The following MORC2 variants were observed in gnomAD, a reference collection of about 807,000 sequenced individuals.
MORC2 encodes the protein ATPase MORC2.
A neutral mutation model predicts 136.0 loss-of-function variants in MORC2; 30 were observed. The observed-to-expected ratio is 0.22, with a 90% CI of 0.17 to 0.30. The LOEUF (loss-of-function observed/expected upper bound fraction) is 0.30, where lower values mean the gene tolerates loss of function less well. MORC2 is among the 10% of genes least tolerant of loss of function. MORC2 has a pLI of 1.00. For synonymous variants in MORC2, 439 were observed against 487.0 expected (o/e 0.90, Z 1.30); for missense variants, 922 against 1,333.1 (o/e 0.69, Z 4.80).
Position 30,926,290 on chromosome 22 carries a change from T to G in MORC2, c.*513A>C, listed in dbSNP as rs1398533544. The G allele has an allele frequency of 6.6e-6, 1 of 152,438 alleles. No homozygotes were observed. The highest frequency in any genetic ancestry group is 1.9e-4 in the East Asian group (1 of 5,178). 9.4% of individuals were successfully genotyped at this position (152,438 alleles called of 1,614,324 possible). On this transcript the variant is annotated 3_prime_UTR_variant, in exon 26 of 26. Coordinates refer to ENST00000397641, the MANE Select transcript of MORC2 (RefSeq NM_001303256.3). ...TGCGAGAGAGAGAGCCCCTCCAATG[T>G]GGAACCTCCTACACAGCCCCCCTTT...
chr22:30,940,935 G>A, intron 9 of MORC2, 98 bp from the exon 10 acceptor site: 1 of 1,014,084 alleles, frequency 9.9e-7, no homozygotes, highest in East Asian at 2.4e-5. Flanking sequence ...CTCCTCCCAA[G>A]CTGTGCTGTC....
rs973288811 is a variant in MORC2 at position 30,940,022 on chromosome 22, C to T, written c.924G>A (p.Glu308=). 5.6e-6 allele frequency: 9 copies of T among 1,613,710 alleles called. No individual in the cohort carries two copies. The highest frequency in any genetic ancestry group is 1.6e-4 in the Middle Eastern group (1 of 6,084). The change falls in exon 11 of 26, where the codon GAG becomes GAA. Residue 308 remains glutamate, a synonymous_variant. Coordinates refer to ENST00000397641, the MANE Select transcript of MORC2 (RefSeq NM_001303256.3). ...CTAATGTCCGAGCTTTGCTCTCTGCCTCCCGCGCCTTCTCTTCAGCTGAAA... is the reference window on the plus strand; with the variant it reads ...CTAATGTCCGAGCTTTGCTCTCTGCTTCCCGCGCCTTCTCTTCAGCTGAAA... ...VARIAEEKAR[E]AESKARTLEV...
chr22:30,958,511 C>T (rs2040998076), intron 2 of MORC2, 130 bp downstream of exon 2: 2 of 539,620 alleles, frequency 3.7e-6, no homozygotes, highest in African/African-American at 2.0e-5. Flanking sequence ...TAGTAAGAGG[C>T]ATCCTAGGAG....
At chr22:30,949,938 G>A in intron 4 of MORC2, 96 bp from the exon 5 acceptor site, 1 of 1,091,406 alleles carries the variant, frequency 9.2e-7, no homozygotes, top group Non-Finnish European at 1.4e-6. Context: ...CCAAGCAGGG[G>A]TGTGTATCTG....
chr22:30,959,815 T>C (rs1372344796), intron 1 of MORC2, among the ~76,000 whole-genome samples: 1 of 152,238 alleles, frequency 6.6e-6, no homozygotes, highest in East Asian at 1.9e-4. Flanking sequence ...AATATATCAA[T>C]AGTAAATAAC....
At chr22:30,950,353 C>CCAAAAAAAAAAAAA in intron 4 of MORC2, 24 bp downstream of exon 4, 9 of 1,481,896 alleles carry the variant, frequency 6.1e-6, no homozygotes, top group Non-Finnish European at 8.4e-6. Flanking sequence ...CCCCACCCCC[C>CCAAAAAAAAAAAAA]AAAACAATAA....
rs1465748378 is a variant in MORC2, at chr22:30,939,605, C to T, written c.1073+16G>A. On this transcript the variant is annotated intron_variant, in intron 12 of 25. Coordinates refer to ENST00000397641, the MANE Select transcript of MORC2 (RefSeq NM_001303256.3). ...TACGTCAGTTTAAAAGATCCAAGGACAGGCCTGGCACTCACCGCTGCTTGG... is the reference window on the plus strand; with the variant it reads ...TACGTCAGTTTAAAAGATCCAAGGATAGGCCTGGCACTCACCGCTGCTTGG... 1 of 1,612,098 alleles carries T rather than the reference C, an allele frequency of 6.2e-7. No individual in the cohort carries two copies. Among genetic ancestry groups the T allele is most frequent in the Non-Finnish European group, 8.5e-7 (1 of 1,179,110 alleles).
At chr22:30,952,570 A>C (rs1602502893) in intron 3 of MORC2, among the ~76,000 whole-genome samples, 3 of 152,248 alleles carry the variant, frequency 2.0e-5, no homozygotes, top group Admixed American at 2.0e-4. Flanking sequence ...ATAGTAACTG[A>C]CAGCCTATAA....
chr22:30,946,503 G>T, intron 5 of MORC2, 54 bp from the exon 6 acceptor site: 1 of 1,474,112 alleles, frequency 6.8e-7, no homozygotes, highest in Non-Finnish European at 9.4e-7. Flanking sequence ...AAGCTCATCT[G>T]CAAAAGAAAT....
chr22:30,952,253 G>A (rs2040899490), intron 3 of MORC2, among the ~76,000 whole-genome samples: 1 of 152,202 alleles, frequency 6.6e-6, no homozygotes, highest in African/African-American at 2.4e-5. Context: ...TCTAAACCTA[G>A]CCAAGAGCCA....
intron 1 of MORC2, among the ~76,000 whole-genome samples, chr22:30,965,874 T>C (rs1161242806): frequency 2.0e-5 from 3 of 152,258 alleles, no homozygotes; most frequent in Non-Finnish European, 4.4e-5. Context: ...AAATAGGCTC[T>C]TGAAGGTAAA....
At position 30,967,813 on chromosome 22, in the gene MORC2, G is replaced by A. The variant is rs1205428227; in HGVS notation, c.68+9C>T. ...CTGGTTACCTCAGTGGCACCTAGAG[G>A]ATACTTACGAATTTGTGTGCAGATA... On this transcript the variant is annotated intron_variant, in intron 1 of 25. Coordinates refer to ENST00000397641, the MANE Select transcript of MORC2 (RefSeq NM_001303256.3). The A allele has an allele frequency of 9.7e-6, 15 of 1,550,876 alleles. No individual in the cohort carries two copies. Among genetic ancestry groups the A allele is most frequent in the Middle Eastern group, 1.7e-4 (1 of 6,018 alleles).
chr22:30,958,856 CCCT>C (rs1402367453), intron 1 of MORC2, 162 bp from the exon 2 acceptor site: 1 of 574,374 alleles, frequency 1.7e-6, no homozygotes. Flanking sequence ...TCCCCAACTC[CCCT>C]CAATTGTTAA....
At chr22:30,963,577 G>T (rs967698387) in intron 1 of MORC2, among the ~76,000 whole-genome samples, 1 of 151,846 alleles carries the variant, frequency 6.6e-6, no homozygotes, top group African/African-American at 2.4e-5. Flanking sequence ...ATAGCGATGG[G>T]GTTTCACCGT....
At chr22:30,966,392 G>A (rs1370178426) in intron 1 of MORC2, among the ~76,000 whole-genome samples, 1 of 152,156 alleles carries the variant, frequency 6.6e-6, no homozygotes, top group Non-Finnish European at 1.5e-5. Context: ...CCAAGGCTAT[G>A]CTATCAACTA....
At chr22:30,947,249 G>T (rs967625810) in intron 5 of MORC2, among the ~76,000 whole-genome samples, 75 of 152,326 alleles carry the variant, frequency 4.9e-4, no homozygotes, top group African/African-American at 1.7e-3. Flanking sequence ...ATTTCCAAAA[G>T]GCAAAAGTCT....
At chr22:30,926,944 T>C in intron 25 of MORC2, 73 bp from the exon 26 acceptor site, 1 of 1,319,510 alleles carries the variant, frequency 7.6e-7, no homozygotes, top group Non-Finnish European at 1.1e-6. Context: ...CACCCTTCTC[T>C]CAGCTCCTGG....
At chr22:30,959,811 T>A (rs760638451) in intron 1 of MORC2, among the ~76,000 whole-genome samples, 2 of 152,224 alleles carry the variant, frequency 1.3e-5, no homozygotes, top group Non-Finnish European at 2.9e-5. Flanking sequence ...ATGAAATATA[T>A]CAATAGTAAA....
chr22:30,956,228 T>C (rs746448789), intron 3 of MORC2, among the ~76,000 whole-genome samples: 9 of 152,156 alleles, frequency 5.9e-5, no homozygotes, highest in Non-Finnish European at 1.2e-4. Context: ...CGAAATAGGA[T>C]GTTGACAGGT....
Sources: allele counts gnomAD v4.1 joint callset (sites outside exome capture counted in the v4.1 genomes callset), GRCh38; gene constraint gnomAD v4.1.1; transcripts MANE v1.5; gene names NCBI Gene and HGNC (gene_info 2026-07-23, HGNC 2026-07-21).